Variants in ZNF232 observed in about 807,000 individuals in gnomAD.
ZNF232 encodes zinc finger protein 232.
A neutral mutation model predicts 25.2 loss-of-function variants in ZNF232; 25 were observed. The ratio of observed to expected loss-of-function variants is 0.99; its 90% confidence interval spans 0.72 to 1.39. ZNF232 has a LOEUF of 1.39. ZNF232 is among the 40% of genes most tolerant of loss of function. ZNF232 has a pLI of 0.00. For synonymous variants in ZNF232, 193 were observed against 182.9 expected (o/e 1.06, Z -0.45); for missense variants, 519 against 520.9 (o/e 1.00, Z 0.04).
At chr17:5,105,986 C>G (rs1168338596) in exon 4 of ZNF232, 24 of 1,614,010 alleles carry the variant, frequency 1.5e-5, no homozygotes, top group Non-Finnish European at 1.9e-5. Context: ...CCTTCCCACA[C>G]TCATTACACT....
chr17:5,106,506 A>G, exon 4 of ZNF232: 2 of 1,611,016 alleles, frequency 1.2e-6, no homozygotes, highest in Non-Finnish European at 1.7e-6. Context: ...TTCTGTAACA[A>G]CTGACAGAAA....
chr17:5,108,684 C>G lies in ZNF232; in HGVS notation c.625+242G>C, dbSNP rs528742416. 5.2e-5 allele frequency: 23 copies of G among 445,136 alleles called. No homozygotes were observed. The Admixed American group carries it at 7.0e-4, about 14-fold the overall frequency. 27.6% of individuals were successfully genotyped at this position (445,136 alleles called of 1,614,324 possible). A position where few individuals can be genotyped will look rare whatever the true frequency, so the allele number is the denominator to read the frequency against. Reference sequence around the variant, plus strand: ...AAGAGATGCTGGCCAGGCTTTATATCCAGATAAGACCCAAGTTGAGCTTAA... The same window carrying G: ...AAGAGATGCTGGCCAGGCTTTATATGCAGATAAGACCCAAGTTGAGCTTAA... On this transcript the variant is annotated intron_variant, in intron 3 of 3. Transcript: ENST00000575898.
chr17:5,109,651 G>A (rs199538285), exon 2 of ZNF232: 1 of 1,614,218 alleles, frequency 6.2e-7, no homozygotes, highest in African/African-American at 1.3e-5. Flanking sequence ...TGCCTGAAGC[G>A]TTGGCGGAAG....
chr17:5,106,029 T>C (rs774203828), exon 4 of ZNF232: 14 of 1,614,084 alleles, frequency 8.7e-6, no homozygotes, highest in Non-Finnish European at 1.1e-5. Context: ...AATCCTCTGA[T>C]GCTGAACAAG....
At chr17:5,112,063 G>A, upstream of ZNF232, 1 of 591,654 alleles carries the variant, frequency 1.7e-6, no homozygotes, top group South Asian at 2.1e-5. Context: ...GAGCGGCCGG[G>A]TGCCCTGGAG....
intron 1 of ZNF232, among the ~76,000 whole-genome samples, chr17:5,122,163 A>T (rs1226272012): frequency 3.3e-5 from 5 of 151,826 alleles, no homozygotes; most frequent in Non-Finnish European, 7.4e-5. Flanking sequence ...CAGGGGAAGG[A>T]AGGTGGTGCA....
At chr17:5,109,977 C>A in intron 1 of ZNF232, 109 bp from the exon 2 acceptor site, 1 of 1,099,682 alleles carries the variant, frequency 9.1e-7, no homozygotes, top group Non-Finnish European at 1.3e-6. Context: ...GCAACCTCCA[C>A]CCCCGGGGTT....
At chr17:5,111,721 G>T in intron 1 of ZNF232, 79 bp downstream of exon 1, 1 of 1,608,876 alleles carries the variant, frequency 6.2e-7, no homozygotes, top group Admixed American at 1.7e-5. Flanking sequence ...CCTGCTCACT[G>T]CAGAGCCGCC....
intron 1 of ZNF232, among the ~76,000 whole-genome samples, chr17:5,117,223 A>G (rs1480863282): frequency 6.6e-6 from 1 of 152,200 alleles, no homozygotes; most frequent in Non-Finnish European, 1.5e-5. Flanking sequence ...AACACATATT[A>G]AAAGCTCGAT....
At position 5,106,552 on chromosome 17, in the gene ZNF232, G is replaced by A. The variant is rs2072266021; in HGVS notation, c.626-46C>T. 2 of 1,551,652 alleles carry A rather than the reference G, an allele frequency of 1.3e-6. No individual in the cohort carries two copies. The highest frequency in any genetic ancestry group is 2.8e-5 in the African/African-American group (2 of 72,644). ...ACCTGTTCTGGATGTATGAAGAAAT[G>A]ACACTTAGATTAAAATGTATATTTC... On this transcript the variant is annotated intron_variant, in intron 3 of 3. Transcript: ENST00000575898.
intron 1 of ZNF232, among the ~76,000 whole-genome samples, chr17:5,119,445 C>A (rs1376966702): frequency 6.6e-6 from 1 of 152,106 alleles, no homozygotes; most frequent in Non-Finnish European, 1.5e-5. Flanking sequence ...CTTCTTCAGC[C>A]CCCACTAAAG....
chr17:5,112,945 T>C (rs9909260), upstream of ZNF232, among the ~76,000 whole-genome samples: 149,262 of 151,954 alleles, frequency 0.98, 73,369 homozygotes, highest in East Asian at 1. Flanking sequence ...GGCGACAGAG[T>C]GAGACTCCGT....
intron 1 of ZNF232, among the ~76,000 whole-genome samples, chr17:5,119,371 G>A (rs1357151927): frequency 6.6e-6 from 1 of 152,180 alleles, no homozygotes; most frequent in East Asian, 1.9e-4. Context: ...ACCTATAAAA[G>A]CTTTGAATAG....
chr17:5,122,660 C>G (rs1473120274), intron 1 of ZNF232, among the ~76,000 whole-genome samples: 1 of 152,208 alleles, frequency 6.6e-6, no homozygotes, highest in East Asian at 1.9e-4. Context: ...CCCCTGGACA[C>G]AGCTCCGCCC....
At chr17:5,106,856 G>A (rs1452115744) in intron 3 of ZNF232, among the ~76,000 whole-genome samples, 1 of 152,102 alleles carries the variant, frequency 6.6e-6, no homozygotes, top group Non-Finnish European at 1.5e-5. Flanking sequence ...TGTGAAGAAA[G>A]GGAAAAACAT....
chr17:5,107,400 A>G (rs1030662199), intron 3 of ZNF232, among the ~76,000 whole-genome samples: 1 of 149,528 alleles, frequency 6.7e-6, no homozygotes. Context: ...AAAGGAAAAA[A>G]AAAAAAAAAA....
At chr17:5,121,528 C>T (rs1357652383) in intron 1 of ZNF232, 1 of 188,782 alleles carries the variant, frequency 5.3e-6, no homozygotes, top group African/African-American at 2.4e-5. Flanking sequence ...TACCTATCAC[C>T]CCAGGGTGAG....
chr17:5,116,099 G>T (rs935391734), upstream of ZNF232, among the ~76,000 whole-genome samples: 1 of 152,234 alleles, frequency 6.6e-6, no homozygotes, highest in Non-Finnish European at 1.5e-5. Flanking sequence ...GCCGCTGTGG[G>T]AGCTCGTCTC....
chr17:5,109,857 T>C (rs2072355248), exon 2 of ZNF232: 1 of 1,605,570 alleles, frequency 6.2e-7, no homozygotes, highest in Non-Finnish European at 8.5e-7. Flanking sequence ...GCTGGAATCT[T>C]GCAAGGGCCC....
Sources: allele counts gnomAD v4.1 joint callset (sites outside exome capture counted in the v4.1 genomes callset), GRCh38; gene constraint gnomAD v4.1.1; transcripts MANE v1.5; gene names NCBI Gene and HGNC (gene_info 2026-07-23, HGNC 2026-07-21).